Variants in FTCDNL1 observed in about 807,000 individuals in gnomAD.
The protein encoded by FTCDNL1 is formiminotransferase cyclodeaminase N-terminal like.
A neutral mutation model predicts 5.9 loss-of-function variants in FTCDNL1; 11 were observed. The observed-to-expected ratio is 1.87, with a 90% CI of 1.18 to 3.10. The LOEUF is 3.10. Ranked by LOEUF, FTCDNL1 falls within the 30% of genes most tolerant of loss-of-function variation. FTCDNL1 has a pLI of 0.00. For synonymous variants in FTCDNL1, 58 were observed against 24.8 expected (o/e 2.34, Z -3.99); for missense variants, 115 against 65.5 (o/e 1.76, Z -2.61).
At chr2:199,678,323 AGATT>A in the FTCDNL1 span, among the ~76,000 whole-genome samples, 4 of 152,138 alleles carry the variant, frequency 2.6e-5, no homozygotes, top group South Asian at 2.1e-4. Flanking sequence ...TAAAATAGAT[AGATT>A]ATCTTTTTAG....
intron 3 of FTCDNL1, among the ~76,000 whole-genome samples, chr2:199,779,091 A>G (rs1008764524): frequency 2.0e-5 from 3 of 152,230 alleles, no homozygotes; most frequent in Non-Finnish European, 2.9e-5. Flanking sequence ...ATAAAGACTT[A>G]AAAGTCCTGT....
chr2:199,848,768 A>T, intron 2 of FTCDNL1, 80 bp downstream of exon 2: 1 of 636,274 alleles, frequency 1.6e-6, no homozygotes, highest in South Asian at 1.8e-5. Flanking sequence ...AGTGTTCTGT[A>T]GATACAGTGT....
At chr2:199,718,672 T>G in the FTCDNL1 span, among the ~76,000 whole-genome samples, 4 of 152,204 alleles carry the variant, frequency 2.6e-5, no homozygotes, top group Non-Finnish European at 4.4e-5. Context: ...CCACTAACAG[T>G]GTATAAGCAT....
downstream of FTCDNL1, among the ~76,000 whole-genome samples, chr2:199,809,128 A>C (rs1056212802): frequency 6.6e-6 from 1 of 152,244 alleles, no homozygotes; most frequent in African/African-American, 2.4e-5. Flanking sequence ...TCATATTGAC[A>C]GAGAAAACAC....
the FTCDNL1 span, among the ~76,000 whole-genome samples, chr2:199,734,070 A>T: frequency 6.6e-6 from 1 of 152,160 alleles, no homozygotes; most frequent in Admixed American, 6.5e-5. Flanking sequence ...AAAATCTTCA[A>T]ATAAGTAGGG....
chr2:199,791,556 T>C (rs979929490), intron 3 of FTCDNL1, among the ~76,000 whole-genome samples: 13 of 152,180 alleles, frequency 8.5e-5, no homozygotes, highest in African/African-American at 3.1e-4. Flanking sequence ...TTTGCAGAGC[T>C]GTTCTCACAG....
At chr2:199,801,088 C>A (rs1700422075) in intron 3 of FTCDNL1, among the ~76,000 whole-genome samples, 1 of 152,172 alleles carries the variant, frequency 6.6e-6, no homozygotes, top group Non-Finnish European at 1.5e-5. Flanking sequence ...TGATGCTGGG[C>A]ACCAGAGGAC....
At chr2:199,814,223 AG>A (rs1468930762) in intron 4 of FTCDNL1, among the ~76,000 whole-genome samples, 15 of 152,344 alleles carry the variant, frequency 9.8e-5, no homozygotes, top group Admixed American at 3.3e-4. Context: ...TGATGACTAA[AG>A]CCATAAAACT....
the FTCDNL1 span, among the ~76,000 whole-genome samples, chr2:199,691,655 T>C: frequency 6.6e-6 from 1 of 152,226 alleles, no homozygotes; most frequent in Admixed American, 6.5e-5. Context: ...TGAAATATCA[T>C]AAGCACTTAC....
chr2:199,698,004 A>C, the FTCDNL1 span, among the ~76,000 whole-genome samples: 1 of 152,220 alleles, frequency 6.6e-6, no homozygotes, highest in Admixed American at 6.5e-5. Flanking sequence ...GACAAAATAG[A>C]CTTTAAATCA....
chr2:199,673,155 C>A, the FTCDNL1 span, among the ~76,000 whole-genome samples: 1 of 151,718 alleles, frequency 6.6e-6, no homozygotes, highest in African/African-American at 2.4e-5. Context: ...TGGTGAAACC[C>A]CGTCTCTACT....
the FTCDNL1 span, among the ~76,000 whole-genome samples, chr2:199,701,481 T>G: frequency 6.6e-6 from 1 of 152,060 alleles, no homozygotes. Context: ...GGAATATAAA[T>G]TGCTCTACCA....
chr2:199,718,114 A>G, the FTCDNL1 span, among the ~76,000 whole-genome samples: 4 of 152,072 alleles, frequency 2.6e-5, no homozygotes, highest in African/African-American at 9.7e-5. Flanking sequence ...GATTTCTTAC[A>G]TGCATATATC....
the FTCDNL1 span, among the ~76,000 whole-genome samples, chr2:199,741,078 T>A: frequency 1.3e-5 from 2 of 152,034 alleles, no homozygotes; most frequent in Non-Finnish European, 2.9e-5. Flanking sequence ...TGTTAAAAAA[T>A]TTGCAATTAG....
chr2:199,755,345 T>C, the FTCDNL1 span, among the ~76,000 whole-genome samples: 1 of 152,224 alleles, frequency 6.6e-6, no homozygotes, highest in Admixed American at 6.5e-5. Context: ...AATACAAATT[T>C]GCTCAGCTAA....
the FTCDNL1 span, among the ~76,000 whole-genome samples, chr2:199,735,124 AAAAAAAAAAAAC>A: frequency 1.3e-5 from 2 of 151,266 alleles, no homozygotes; most frequent in African/African-American, 4.9e-5. Flanking sequence ...AGAAAAAAAA[AAAAAAAAAAAAC>A]CACATTATTT....
intron 3 of FTCDNL1, among the ~76,000 whole-genome samples, chr2:199,792,096 AT>A (rs1251465628): frequency 2.6e-5 from 4 of 152,054 alleles, no homozygotes; most frequent in African/African-American, 9.7e-5. Flanking sequence ...TAAAAAAAAA[AT>A]CACAGTAAAT....
chr2:199,805,886 T>C (rs1300944213), downstream of FTCDNL1, among the ~76,000 whole-genome samples: 3 of 151,370 alleles, frequency 2.0e-5, no homozygotes, highest in East Asian at 5.8e-4. Context: ...GCCACTGCAC[T>C]GCAGCCTGGG....
chr2:199,764,024 T>G (rs1698393393), intron 3 of FTCDNL1, among the ~76,000 whole-genome samples: 2 of 152,184 alleles, frequency 1.3e-5, no homozygotes, highest in South Asian at 4.2e-4. Context: ...ATATTTTTAG[T>G]AGATACGGGG....
Sources: allele counts gnomAD v4.1 joint callset (sites outside exome capture counted in the v4.1 genomes callset), GRCh38; gene constraint gnomAD v4.1.1; transcripts MANE v1.5; gene names NCBI Gene and HGNC (gene_info 2026-07-23, HGNC 2026-07-21).